GNL2: variants seen among roughly 807,000 people sequenced by gnomAD.
GNL2 encodes G protein nucleolar 2, also known as nucleolar GTP-binding protein 2.
GNL2 carries 51 observed loss-of-function variants against 92.3 expected under a neutral mutation model. That is an observed-to-expected ratio of 0.55 (90% CI 0.44 to 0.70). The LOEUF is 0.70. Among genes scored for constraint, GNL2 ranks in the 30% least tolerant of loss-of-function variants. The pLI is 0.00. For missense variants in GNL2, 844 were observed against 895.6 expected, an observed-to-expected ratio of 0.94 and a Z score of 0.74; for synonymous variants, 283 against 300.6, an observed-to-expected ratio of 0.94 and a Z score of 0.61.
In GNL2 at chr1:37,582,275, G is replaced by C; in HGVS notation, c.857C>G (p.Thr286Ser). 1 of 1,613,498 alleles carries C rather than the reference G, an allele frequency of 6.2e-7. No individual in the cohort carries two copies. Among genetic ancestry groups the C allele is most frequent in the Admixed American group, 1.7e-5 (1 of 59,916 alleles). The change falls in exon 8 of 16, where the codon ACT becomes AGT. Residue 286 changes from threonine (T) to serine (S), a missense_variant. Transcript: ENST00000373062. ...GAATGCTCCCTTGCCAAACGGGTTA[G>C]TAAGGCTTGCATGGAAAGCAAGTGT... The part of the protein sequence containing the change: ...YPTLAFHASL[T>S]NPFGKGAFIQ...
At position 37,587,443 on chromosome 1, in the gene GNL2, G is replaced by C. The variant is rs1331998349; in HGVS notation, c.437C>G (p.Pro146Arg). 1.9e-6 allele frequency: 3 copies of C among 1,612,942 alleles called. No homozygotes were observed. The highest frequency in any genetic ancestry group is 2.2e-5 in the East Asian group (1 of 44,858). Reference protein sequence around the residue: ...DTESFETTFGPKSQRKRPNLF... With the variant: ...DTESFETTFGRKSQRKRPNLF... Reference sequence around the variant, plus strand: ...GTTTGGTCGTTTCCTCTGTGACTTAGGGCCAAATGTAGTTTCAAAACTTTC... The same window carrying C: ...GTTTGGTCGTTTCCTCTGTGACTTACGGCCAAATGTAGTTTCAAAACTTTC... Residue 146 changes from proline (P) to arginine (R), a missense_variant, in exon 5 of 16, where the codon CCT (proline) becomes CGT (arginine). Physicochemically the swap from Pro to Arg is moderately radical, Grantham distance 103 (BLOSUM62 -2). Coordinates refer to ENST00000373062, the MANE Select transcript of GNL2 (RefSeq NM_013285.3).
At chr1:37,578,243 A>T (rs928214119) in intron 8 of GNL2, among the ~76,000 whole-genome samples, 1 of 152,118 alleles carries the variant, frequency 6.6e-6, no homozygotes. Flanking sequence ...GTTTGAGACC[A>T]GCTTGGCCAA....
chr1:37,585,518 A>G (rs1643838043), intron 5 of GNL2, among the ~76,000 whole-genome samples: 1 of 152,188 alleles, frequency 6.6e-6, no homozygotes, highest in Non-Finnish European at 1.5e-5. Flanking sequence ...TATTTTTCTG[A>G]TAAGGTTTAG....
At position 37,567,672 on chromosome 1, in the gene GNL2, C is replaced by A; in HGVS notation, c.2043+1G>T. 1 of 1,599,758 alleles carries A rather than the reference C, an allele frequency of 6.3e-7. No individual in the cohort carries two copies. The highest frequency in any genetic ancestry group is 8.6e-7 in the Non-Finnish European group (1 of 1,166,884). On this transcript the variant is annotated splice_donor_variant, in intron 15 of 15. Coordinates refer to ENST00000373062, the MANE Select transcript of GNL2 (RefSeq NM_013285.3). LOFTEE classifies it high-confidence loss of function. ...CCATACTTAAAACCTATGACACTTACTTCTTTTGATGTAAGCGCCCTGGGA... is the reference window on the plus strand; with the variant it reads ...CCATACTTAAAACCTATGACACTTAATTCTTTTGATGTAAGCGCCCTGGGA...
chr1:37,577,280 T>G (rs1643693469), intron 8 of GNL2, among the ~76,000 whole-genome samples: 2 of 152,020 alleles, frequency 1.3e-5, no homozygotes, highest in South Asian at 4.1e-4. Flanking sequence ...GCATTTCCAC[T>G]GCCAAAAATA....
In GNL2 at chr1:37,592,812, T is replaced by C. The variant is rs951715796; in HGVS notation, c.150-6A>G. 5 of 1,522,384 alleles carry C rather than the reference T, an allele frequency of 3.3e-6. No homozygotes were observed. In the South Asian group the frequency reaches 3.4e-5, roughly 10 times the overall value. 94.3% of individuals were successfully genotyped at this position (1,522,384 alleles called of 1,614,324 possible). ...TTATTTTACCACGACTGTTCCTAAA[T>C]TGAGGAAAGAACAGATATTGGTTGA... On this transcript the variant is annotated splice_region_variant and splice_polypyrimidine_tract_variant and intron_variant, in intron 2 of 15. Transcript: ENST00000373062.
At chr1:37,573,753 T>C (rs1395149894) in intron 12 of GNL2, among the ~76,000 whole-genome samples, 2 of 152,232 alleles carry the variant, frequency 1.3e-5, no homozygotes, top group Non-Finnish European at 2.9e-5. Context: ...TATCTAAGTT[T>C]GGTCTTCTCT....
chr1:37,594,899 A>T lies in GNL2; in HGVS notation c.64+860T>A, dbSNP rs181785447. ...GTGATACAGTAGAAGACAGGCTGAA[A>T]CCACAGCCCATTGGCTCTCCTAACA... On this transcript the variant is annotated intron_variant, in intron 1 of 15. Coordinates refer to ENST00000373062, the MANE Select transcript of GNL2 (RefSeq NM_013285.3). Among the ~76,000 whole-genome samples, 115 of 152,364 alleles carry T rather than the reference A, an allele frequency of 7.5e-4. 2 individuals are homozygous for T. The highest frequency in any genetic ancestry group is 3.1e-4 in the Non-Finnish European group (21 of 68,034).
intron 14 of GNL2, chr1:37,568,053 C>G: frequency 1.7e-6 from 1 of 589,588 alleles, no homozygotes; most frequent in Middle Eastern, 4.5e-4. Context: ...AATAATGAAC[C>G]CTTTCTAGGA....
In GNL2 at chr1:37,574,367, A is replaced by C; in HGVS notation, c.1392T>G (p.Asn464Lys). 1 of 1,613,968 alleles carries C rather than the reference A, an allele frequency of 6.2e-7. No individual in the cohort carries two copies. The highest frequency in any genetic ancestry group is 8.5e-7 in the Non-Finnish European group (1 of 1,179,904). ...GRIPFFVKPPNAEPLVAPQLL... is the reference protein window; with the variant it reads ...GRIPFFVKPPKAEPLVAPQLL... ...CCTGGGGGGCCACAAGTGGCTCTGC[A>C]TTGGGTGGCTTGACAAAGAAAGGAA... The change falls in exon 12 of 16, where the codon AAT (asparagine) becomes AAG (lysine). Residue 464 changes from asparagine (N) to lysine (K), a missense_variant. By Grantham distance (94) the Asn-to-Lys change is moderately conservative. Transcript: ENST00000373062.
Position 37,568,265 on chromosome 1 carries a change from T to G in GNL2, c.1951+10A>C, listed in dbSNP as rs774754815. The G allele has an allele frequency of 1.3e-6, 2 of 1,544,374 alleles. No homozygotes were observed. The highest frequency in any genetic ancestry group is 2.7e-5 in the African/African-American group (2 of 73,578). On this transcript the variant is annotated intron_variant, in intron 14 of 15. Transcript: ENST00000373062. Reference sequence around the variant, plus strand: ...ATTACATCTAAATGATTGAAATAATTTAACTTCACCTCTGTCATCTACATC... The same window carrying G: ...ATTACATCTAAATGATTGAAATAATGTAACTTCACCTCTGTCATCTACATC...
chr1:37,569,356 A>T, intron 12 of GNL2, 54 bp from the exon 13 acceptor site: 1 of 1,254,570 alleles, frequency 8.0e-7, no homozygotes, highest in Non-Finnish European at 1.1e-6. Flanking sequence ...TGAAAAATGG[A>T]ATTTCTGAAC....
chr1:37,572,714 C>T (rs1643613251), intron 12 of GNL2, among the ~76,000 whole-genome samples: 1 of 152,182 alleles, frequency 6.6e-6, no homozygotes, highest in Admixed American at 6.5e-5. Context: ...AAACACAGCA[C>T]TTTCCTGGGT....
intron 13 of GNL2, 150 bp from the exon 14 acceptor site, chr1:37,568,507 T>C (rs1171018465): frequency 8.1e-6 from 5 of 620,854 alleles, no homozygotes; most frequent in African/African-American, 1.8e-5. Context: ...CCAACATGTT[T>C]GTACCTCCCT....
chr1:37,568,401 G>T, intron 13 of GNL2, 44 bp from the exon 14 acceptor site: 1 of 1,254,916 alleles, frequency 8.0e-7, no homozygotes, highest in Non-Finnish European at 1.2e-6. Flanking sequence ...TCACTCGCCC[G>T]AATCACATAC....
rs1643883531 is a variant in GNL2, at chr1:37,590,820, T to C, written c.270A>G (p.Ser90=). 2.5e-5 allele frequency: 40 copies of C among 1,602,358 alleles called. No individual in the cohort carries two copies. The highest frequency in any genetic ancestry group is 3.0e-5 in the Non-Finnish European group (35 of 1,174,472). Residue 90 remains serine, a synonymous_variant, in exon 4 of 16, where the codon TCA becomes TCG. Coordinates refer to ENST00000373062, the MANE Select transcript of GNL2 (RefSeq NM_013285.3). ...WFGNTRVIKQ[S]SLQKFQEEMD... is the part of the protein sequence containing the mutation. Reference sequence around the variant, plus strand: ...TTTCCTCTTGAAATTTTTGTAATGATGACTGCTTAATCACACGTGTGTTTC... The same window carrying C: ...TTTCCTCTTGAAATTTTTGTAATGACGACTGCTTAATCACACGTGTGTTTC...
chr1:37,595,578 CT>C (rs1267794985), intron 1 of GNL2, among the ~76,000 whole-genome samples, 180 bp downstream of exon 1: 3 of 152,218 alleles, frequency 2.0e-5, no homozygotes, highest in Non-Finnish European at 4.4e-5. Context: ...CAGTTCCCCC[CT>C]GAGAAGAAAC....
intron 3 of GNL2, among the ~76,000 whole-genome samples, chr1:37,591,265 T>C (rs929037488): frequency 6.6e-6 from 1 of 152,156 alleles, no homozygotes; most frequent in Non-Finnish European, 1.5e-5. Context: ...TAGCCACTTT[T>C]AGGGTTATGA....
At chr1:37,574,268 G>GAGAGACAATCACAAGCTAC in intron 12 of GNL2, 75 bp downstream of exon 12, 1 of 805,232 alleles carries the variant, frequency 1.2e-6, no homozygotes, top group East Asian at 2.6e-5. Context: ...GCTCTATGAA[G>GAGAGACAATCACAAGCTAC]AGAGACAATC....
Sources: gnomAD v4.1 joint callset for allele counts (sites outside exome capture counted in the v4.1 genomes callset) on GRCh38, gnomAD v4.1.1 for gene constraint, MANE v1.5 for transcripts, NCBI Gene and HGNC (gene_info 2026-07-23, HGNC 2026-07-21) for gene names.